Variants in SGCD observed in about 807,000 individuals in gnomAD.
SGCD encodes the protein sarcoglycan delta, also known as delta-sarcoglycan.
SGCD carries 18 observed loss-of-function variants against 36.6 expected under a neutral mutation model. That is an observed-to-expected ratio of 0.49 (90% confidence interval 0.34 to 0.73). The LOEUF (loss-of-function observed/expected upper bound fraction) is 0.73, where lower values mean the gene tolerates loss of function less well. Among genes scored for constraint, SGCD ranks in the 30% least tolerant of loss-of-function variants. The pLI is 0.01. For missense variants in SGCD, 387 were observed against 346.7 expected, an observed-to-expected ratio of 1.12 and a Z score of -0.92; for synonymous variants, 133 against 130.6, an observed-to-expected ratio of 1.02 and a Z score of -0.12.
At chr5:156,532,177 C>G (rs1377443394) in intron 4 of SGCD, among the ~76,000 whole-genome samples, 1 of 152,130 alleles carries the variant, frequency 6.6e-6, no homozygotes. Context: ...TAGCAAATTG[C>G]TATCAGGAAA....
At chr5:156,073,571 A>G (rs1561707480) in intron 1 of SGCD, among the ~76,000 whole-genome samples, 1 of 152,214 alleles carries the variant, frequency 6.6e-6, no homozygotes, top group Non-Finnish European at 1.5e-5. Flanking sequence ...TCAAAAAGGT[A>G]AAATAAATAT....
intron 3 of SGCD, among the ~76,000 whole-genome samples, chr5:156,414,354 C>T (rs1343245114): frequency 2.0e-5 from 3 of 152,106 alleles, no homozygotes; most frequent in South Asian, 2.1e-4. Flanking sequence ...AATTGGATAT[C>T]GGTTAAATTA....
chr5:156,187,747 G>A (rs1002165290), intron 3 of SGCD, among the ~76,000 whole-genome samples: 1 of 152,172 alleles, frequency 6.6e-6, no homozygotes, highest in Non-Finnish European at 1.5e-5. Context: ...GGGTGGGAAA[G>A]ACCTTGAATG....
At chr5:156,320,848 C>T (rs550912156) in intron 3 of SGCD, among the ~76,000 whole-genome samples, 2 of 152,312 alleles carry the variant, frequency 1.3e-5, no homozygotes, top group South Asian at 4.1e-4. Context: ...TCTTCAAAGT[C>T]AGTCAGATAA....
chr5:156,375,694 T>G (rs1770626823), intron 3 of SGCD, among the ~76,000 whole-genome samples: 1 of 152,234 alleles, frequency 6.6e-6, no homozygotes, highest in Non-Finnish European at 1.5e-5. Flanking sequence ...CTTGAAGATG[T>G]ACAAGAGTGC....
chr5:156,028,835 G>A (rs919983729), intron 1 of SGCD, among the ~76,000 whole-genome samples: 5 of 152,046 alleles, frequency 3.3e-5, no homozygotes, highest in Admixed American at 2.6e-4. Flanking sequence ...GCATGATGTC[G>A]TCTGAACCTA....
At chr5:155,876,367 G>A (rs1179913994) in intron 1 of SGCD, among the ~76,000 whole-genome samples, 4 of 151,462 alleles carry the variant, frequency 2.6e-5, no homozygotes, top group Admixed American at 6.6e-5. Flanking sequence ...TTTCCATTTT[G>A]GAACAGTAAG....
intron 4 of SGCD, among the ~76,000 whole-genome samples, chr5:156,526,548 G>T (rs1452936427): frequency 6.6e-6 from 1 of 152,068 alleles, no homozygotes; most frequent in Non-Finnish European, 1.5e-5. Flanking sequence ...AAATAAAAGT[G>T]ATTTGTACTA....
At chr5:156,324,562 A>C (rs757289180), upstream of SGCD, among the ~76,000 whole-genome samples, 3 of 152,210 alleles carry the variant, frequency 2.0e-5, no homozygotes, top group Admixed American at 1.3e-4. Context: ...GCTGGGTCTC[A>C]AACTGAGATC....
At chr5:156,708,999 C>T (rs576827740) in intron 7 of SGCD, among the ~76,000 whole-genome samples, 1 of 151,818 alleles carries the variant, frequency 6.6e-6, no homozygotes, top group South Asian at 2.1e-4. Context: ...TCGGTACCAT[C>T]TATCAGCTAA....
intron 6 of SGCD, among the ~76,000 whole-genome samples, chr5:156,634,254 G>C (rs1031201834): frequency 6.6e-6 from 1 of 151,852 alleles, no homozygotes; most frequent in Non-Finnish European, 1.5e-5. Flanking sequence ...GCGTCACTGG[G>C]GCCTGTTGGG....
the SGCD span, among the ~76,000 whole-genome samples, chr5:155,800,539 T>G: frequency 3.8e-4 from 58 of 152,158 alleles, no homozygotes; most frequent in Non-Finnish European, 6.6e-4. Flanking sequence ...TATGTGATTT[T>G]GGGTTTCTTT....
At chr5:156,042,938 G>T (rs565450424) in intron 1 of SGCD, among the ~76,000 whole-genome samples, 1 of 152,260 alleles carries the variant, frequency 6.6e-6, no homozygotes, top group East Asian at 1.9e-4. Context: ...TCCTCACCTA[G>T]TGGTCTTTCA....
At chr5:156,525,148 G>T (rs1398493394) in intron 4 of SGCD, among the ~76,000 whole-genome samples, 1 of 151,988 alleles carries the variant, frequency 6.6e-6, no homozygotes, top group African/African-American at 2.4e-5. Context: ...GACGCTCCAT[G>T]CAGTTTTCCA....
intron 6 of SGCD, among the ~76,000 whole-genome samples, chr5:156,610,114 A>G (rs1001047321): frequency 6.6e-6 from 1 of 151,488 alleles, no homozygotes; most frequent in Admixed American, 6.6e-5. Context: ...GGAGGAGGAG[A>G]GGTGCTCTGA....
chr5:156,532,721 A>C (rs1298629912), intron 4 of SGCD, among the ~76,000 whole-genome samples: 2 of 152,170 alleles, frequency 1.3e-5, no homozygotes, highest in African/African-American at 4.8e-5. Flanking sequence ...TCGGCCTCCC[A>C]AAGTGCTGGG....
chr5:156,477,959 A>T (rs1347703017), intron 3 of SGCD, among the ~76,000 whole-genome samples: 4 of 152,076 alleles, frequency 2.6e-5, no homozygotes, highest in Non-Finnish European at 5.9e-5. Flanking sequence ...TGTCGTCACC[A>T]TTTAGGCAGT....
chr5:155,810,287 T>C, the SGCD span, among the ~76,000 whole-genome samples: 1 of 152,232 alleles, frequency 6.6e-6, no homozygotes, highest in Non-Finnish European at 1.5e-5. Flanking sequence ...TGAAAAGATT[T>C]CTTGTCTTTA....
chr5:156,201,969 G>A (rs1436518581), intron 3 of SGCD, among the ~76,000 whole-genome samples: 2 of 152,160 alleles, frequency 1.3e-5, no homozygotes, highest in Non-Finnish European at 2.9e-5. Context: ...GAGTGGTCCT[G>A]ACTTCCAAAA....
Sources: gnomAD v4.1 joint callset for allele counts (sites outside exome capture counted in the v4.1 genomes callset) on GRCh38, gnomAD v4.1.1 for gene constraint, MANE v1.5 for transcripts, NCBI Gene and HGNC (gene_info 2026-07-23, HGNC 2026-07-21) for gene names.